Variants in CDC42BPA observed in about 807,000 individuals in gnomAD.
CDC42BPA encodes the protein CDC42 binding protein kinase alpha, also known as serine/threonine-protein kinase MRCK alpha.
CDC42BPA carries 80 observed loss-of-function variants against 223.5 expected under a neutral mutation model. The observed-to-expected ratio is 0.36, with a 90% CI of 0.30 to 0.43. CDC42BPA has a LOEUF of 0.43. CDC42BPA is among the 20% of genes least tolerant of loss of function. The pLI is 1.00. For synonymous variants in CDC42BPA, 694 were observed against 718.6 expected, an observed-to-expected ratio of 0.97 and a Z score of 0.55; for missense variants, 1,743 against 2,099.9, an observed-to-expected ratio of 0.83 and a Z score of 3.32.
chr1:227,292,848 ATT>A (rs1689927748), intron 1 of CDC42BPA, among the ~76,000 whole-genome samples: 1 of 152,106 alleles, frequency 6.6e-6, no homozygotes, highest in South Asian at 2.1e-4. Flanking sequence ...TTTGGCCCAT[ATT>A]TCTCTCTCCT....
intron 5 of CDC42BPA, among the ~76,000 whole-genome samples, chr1:227,186,800 C>T (rs779419128): frequency 1.3e-4 from 20 of 152,176 alleles, no homozygotes; most frequent in Non-Finnish European, 2.4e-4. Flanking sequence ...GAATATGGGA[C>T]TTCAGTCACT....
intron 1 of CDC42BPA, among the ~76,000 whole-genome samples, chr1:227,280,007 G>A (rs141705031): frequency 3.3e-5 from 5 of 152,182 alleles, no homozygotes; most frequent in African/African-American, 7.2e-5. Flanking sequence ...GCAGTGAACC[G>A]AGATTGTGCC....
chr1:227,111,512 A>C (rs1436110525), intron 14 of CDC42BPA, among the ~76,000 whole-genome samples: 1 of 152,080 alleles, frequency 6.6e-6, no homozygotes, highest in African/African-American at 2.4e-5. Context: ...TTTAAGACGG[A>C]GTTTCGCTCT....
At chr1:227,001,862 G>A (rs1407195040) in intron 35 of CDC42BPA, among the ~76,000 whole-genome samples, 1 of 152,022 alleles carries the variant, frequency 6.6e-6, no homozygotes, top group Non-Finnish European at 1.5e-5. Context: ...AGCCAAGATC[G>A]TGCCACTGCA....
intron 1 of CDC42BPA, among the ~76,000 whole-genome samples, chr1:227,309,113 C>T (rs1359211697): frequency 6.6e-6 from 1 of 151,388 alleles, no homozygotes; most frequent in Non-Finnish European, 1.5e-5. Context: ...ATCTGTAATC[C>T]CAGCACTTTG....
chr1:227,081,096 T>C (rs985035978), intron 16 of CDC42BPA, 79 bp from the exon 17 acceptor site: 14 of 1,417,330 alleles, frequency 9.9e-6, no homozygotes, highest in African/African-American at 1.4e-5. Context: ...TCAAATTTGA[T>C]TACTCAACAT....
intron 22 of CDC42BPA, among the ~76,000 whole-genome samples, chr1:227,051,206 G>A (rs932094636): frequency 6.6e-6 from 1 of 152,156 alleles, no homozygotes; most frequent in Non-Finnish European, 1.5e-5. Context: ...GAAAAGGAAA[G>A]CAAAGGAGCT....
At chr1:226,995,321 C>T (rs1343744) in intron 35 of CDC42BPA, among the ~76,000 whole-genome samples, 52,807 of 152,044 alleles carry the variant, frequency 0.35, 10,447 homozygotes, top group Non-Finnish European at 0.46. Flanking sequence ...CAGCCACTGA[C>T]GGCTCCCAGC....
chr1:227,119,828 T>C lies in CDC42BPA; in HGVS notation c.1623A>G (p.Gln541=). 6.3e-7 allele frequency: 1 copy of C among 1,588,602 alleles called. No individual in the cohort carries two copies. ...CCTTATTTAGATCTTCTCTTTCTTG[T>C]TGTAACGTTTTGATTTGTTTTTCAT... ...KAYEKQIKTL[Q]QEREDLNKEL... The change falls in exon 12 of 37, where the codon CAA becomes CAG. Residue 541 remains glutamine, a synonymous_variant. Coordinates refer to ENST00000366766, the MANE Select transcript of CDC42BPA (RefSeq NM_001394014.1).
At chr1:227,126,517 A>AAGGT (rs1553350226) in intron 11 of CDC42BPA, among the ~76,000 whole-genome samples, 3 of 91,610 alleles carry the variant, frequency 3.3e-5, no homozygotes, top group African/African-American at 8.5e-5. Flanking sequence ...GGAAGGAAGG[A>AAGGT]AGGTAAGAAA....
chr1:227,141,762 C>T (rs1436990680), intron 9 of CDC42BPA, among the ~76,000 whole-genome samples: 1 of 152,162 alleles, frequency 6.6e-6, no homozygotes, highest in East Asian at 1.9e-4. Context: ...TATGACTGTG[C>T]CACTGCACTC....
intron 1 of CDC42BPA, 106 bp downstream of exon 1, chr1:227,316,899 G>A: frequency 1.2e-6 from 1 of 802,388 alleles, no homozygotes; most frequent in Non-Finnish European, 2.0e-6. Context: ...TTTTTTTATT[G>A]TATTTTTTCT....
intron 2 of CDC42BPA, among the ~76,000 whole-genome samples, chr1:227,238,172 G>A (rs563038228): frequency 6.5e-4 from 98 of 150,722 alleles, no homozygotes; most frequent in African/African-American, 2.4e-3. Flanking sequence ...GGGCAACAAA[G>A]TGAGACCCCC....
Position 226,994,681 on chromosome 1 carries a change from GCTGC to G in CDC42BPA, c.5133+138_5133+141del. On this transcript the variant is annotated intron_variant, in intron 36 of 36. Transcript: ENST00000366766. This position sits in a 1 kb window ranked among gnomAD's most constrained non-coding sequence, Gnocchi z 4.0. ...GTTTGCAGCCCGAGTGACTGGCCTAGCTGCCCGCTGGCCAAGAGTGAATGCTGGC... is the reference window on the plus strand; with the variant it reads ...GTTTGCAGCCCGAGTGACTGGCCTAGCCGCTGGCCAAGAGTGAATGCTGGC... The G allele has an allele frequency of 5.6e-6, 5 of 893,728 alleles. No individual in the cohort carries two copies. Among genetic ancestry groups the G allele is most frequent in the Non-Finnish European group, 6.8e-6 (4 of 588,100 alleles). The allele number at this position is 893,728 out of a possible 1,614,324, so 55.4% of individuals were successfully genotyped here.
chr1:227,022,425 TC>T (rs11359748), intron 32 of CDC42BPA, among the ~76,000 whole-genome samples: 60,684 of 151,180 alleles, frequency 0.4, 12,576 homozygotes, highest in Non-Finnish European at 0.46. Context: ...AGAGTGAGAC[TC>T]CCGTCTCAAA....
intron 1 of CDC42BPA, among the ~76,000 whole-genome samples, chr1:227,309,472 A>G (rs1427712370): frequency 6.6e-6 from 1 of 152,210 alleles, no homozygotes; most frequent in Admixed American, 6.5e-5. Context: ...ACAGCGCTTC[A>G]TGGATGTAAT....
At chr1:227,046,124 G>T (rs1672396993) in intron 23 of CDC42BPA, among the ~76,000 whole-genome samples, 1 of 152,020 alleles carries the variant, frequency 6.6e-6, no homozygotes, top group Non-Finnish European at 1.5e-5. Context: ...TCCTTTGTTA[G>T]ATAATTTTGA....
At chr1:227,127,257 A>G (rs1184266346) in intron 11 of CDC42BPA, among the ~76,000 whole-genome samples, 4 of 152,194 alleles carry the variant, frequency 2.6e-5, no homozygotes, top group African/African-American at 7.2e-5. Flanking sequence ...GTGCCAGAAC[A>G]TTATTGTGAA....
intron 21 of CDC42BPA, among the ~76,000 whole-genome samples, chr1:227,062,405 C>T (rs1676096574): frequency 6.6e-6 from 1 of 152,178 alleles, no homozygotes. Context: ...AATCTCTCTT[C>T]TTTGTATTCC....
Sources: gnomAD v4.1 joint callset for allele counts (sites outside exome capture counted in the v4.1 genomes callset) on GRCh38, gnomAD v4.1.1 for gene constraint, Gnocchi (gnomAD v3.1) non-coding constraint, MANE v1.5 for transcripts, NCBI Gene and HGNC (gene_info 2026-07-23, HGNC 2026-07-21) for gene names.